Variants in CLSTN2 observed in about 807,000 individuals in gnomAD.
The protein encoded by CLSTN2 is calsyntenin 2, also known as calsyntenin-2.
A neutral mutation model predicts 101.2 loss-of-function variants in CLSTN2; 48 were observed. The observed-to-expected ratio is 0.47, with a 90% confidence interval of 0.38 to 0.60. The LOEUF (loss-of-function observed/expected upper bound fraction) is 0.60, where lower values mean the gene tolerates loss of function less well. CLSTN2 is among the 20% of genes least tolerant of loss of function. CLSTN2 has a pLI of 0.00. For missense variants in CLSTN2, 1,160 were observed against 1,238.2 expected, an observed-to-expected ratio of 0.94 and a Z score of 0.95; for synonymous variants, 481 against 463.6, an observed-to-expected ratio of 1.04 and a Z score of -0.48.
intron 1 of CLSTN2, among the ~76,000 whole-genome samples, chr3:139,943,074 G>A (rs1159055233): frequency 6.6e-6 from 1 of 151,972 alleles, no homozygotes; most frequent in Admixed American, 6.6e-5. Context: ...AGCCCCATAT[G>A]TCCCAAACTA....
At chr3:140,006,859 T>A (rs917144256) in intron 1 of CLSTN2, among the ~76,000 whole-genome samples, 1 of 152,020 alleles carries the variant, frequency 6.6e-6, no homozygotes. Flanking sequence ...TAGGATGAAA[T>A]GAGGGAGGCG....
chr3:140,416,923 T>A (rs1006495998), intron 4 of CLSTN2, among the ~76,000 whole-genome samples: 3 of 152,240 alleles, frequency 2.0e-5, no homozygotes, highest in Admixed American at 6.5e-5. Flanking sequence ...CTGAGCCAAA[T>A]GTATCCTAAA....
Position 139,935,330 on chromosome 3 carries a change from C to T in CLSTN2, c.-45C>T. ...AGGCACCGGGAGGCGAGAGCCGGCG[C>T]GGACAGTAGGCGGCGGCTGCAGCTC... On this transcript the variant is annotated 5_prime_UTR_variant, in exon 1 of 17. Transcript: ENST00000458420. This position sits in a 1 kb window ranked among gnomAD's most constrained non-coding sequence, Gnocchi z 5.5. 2 of 1,085,432 alleles carry T rather than the reference C, an allele frequency of 1.8e-6. No homozygotes were observed. The highest frequency in any genetic ancestry group is 2.3e-6 in the Non-Finnish European group (2 of 857,036). 67.2% of individuals were successfully genotyped at this position (1,085,432 alleles called of 1,614,324 possible). A position where few individuals can be genotyped will look rare whatever the true frequency, so the allele number is the denominator to read the frequency against.
At chr3:140,175,206 A>AT (rs923209066) in intron 1 of CLSTN2, among the ~76,000 whole-genome samples, 1 of 151,962 alleles carries the variant, frequency 6.6e-6, no homozygotes, top group Admixed American at 6.6e-5. Context: ...ATATCAATGT[A>AT]TTTTTTTTAT....
intron 1 of CLSTN2, among the ~76,000 whole-genome samples, chr3:139,990,150 G>T (rs553968416): frequency 2.8e-4 from 42 of 152,262 alleles, no homozygotes; most frequent in African/African-American, 8.7e-4. Context: ...ATTATAATTG[G>T]AAATCCTTTT....
intron 2 of CLSTN2, among the ~76,000 whole-genome samples, chr3:140,191,834 T>C (rs2010569912): frequency 1.3e-5 from 2 of 151,984 alleles, no homozygotes; most frequent in African/African-American, 4.8e-5. Flanking sequence ...AACAGCTTCT[T>C]ATTTTATTGA....
chr3:140,190,438 CA>C (rs35206840), intron 2 of CLSTN2, among the ~76,000 whole-genome samples: 22,053 of 82,888 alleles, frequency 0.27, 1,125 homozygotes, highest in African/African-American at 0.3. Flanking sequence ...TCTATAGCTA[CA>C]AAAAAAAAAA....
At chr3:140,223,922 C>T (rs919407279) in intron 2 of CLSTN2, among the ~76,000 whole-genome samples, 3 of 152,082 alleles carry the variant, frequency 2.0e-5, no homozygotes, top group African/African-American at 7.2e-5. Flanking sequence ...CTGCAGTTCC[C>T]ACAGGAGTGT....
At chr3:140,360,164 T>A (rs965786801) in intron 2 of CLSTN2, among the ~76,000 whole-genome samples, 3 of 152,166 alleles carry the variant, frequency 2.0e-5, no homozygotes, top group Non-Finnish European at 4.4e-5. Flanking sequence ...TCTCCCCCTG[T>A]AATCGTTCCT....
chr3:140,006,760 G>A (rs760720888), intron 1 of CLSTN2, among the ~76,000 whole-genome samples: 4 of 152,192 alleles, frequency 2.6e-5, no homozygotes, highest in South Asian at 2.1e-4. Context: ...TATTGCAAGG[G>A]TTATATATAA....
chr3:140,439,885 A>C (rs1239795760), intron 5 of CLSTN2, among the ~76,000 whole-genome samples: 1 of 152,104 alleles, frequency 6.6e-6, no homozygotes, highest in Non-Finnish European at 1.5e-5. Flanking sequence ...TGAGAATTGG[A>C]GTGTGCATGT....
chr3:140,231,688 G>A (rs755812332), intron 2 of CLSTN2, among the ~76,000 whole-genome samples: 1 of 152,146 alleles, frequency 6.6e-6, no homozygotes, highest in Non-Finnish European at 1.5e-5. Context: ...ATAAGATTGG[G>A]AATCAATTAT....
At chr3:140,514,681 T>C (rs1454026825) in intron 8 of CLSTN2, among the ~76,000 whole-genome samples, 1 of 152,080 alleles carries the variant, frequency 6.6e-6, no homozygotes, top group Non-Finnish European at 1.5e-5. Context: ...TAGTTCTACT[T>C]TTAGTTCTTT....
chr3:140,478,782 A>G (rs1934045729), intron 8 of CLSTN2, among the ~76,000 whole-genome samples: 1 of 112,900 alleles, frequency 8.9e-6, no homozygotes, highest in African/African-American at 4.1e-5. Context: ...AAGAGGGAGG[A>G]AGGGAAGGGA....
At chr3:140,260,282 T>C (rs2086640439) in intron 2 of CLSTN2, among the ~76,000 whole-genome samples, 1 of 151,906 alleles carries the variant, frequency 6.6e-6, no homozygotes, top group Non-Finnish European at 1.5e-5. Flanking sequence ...CAGACATTCT[T>C]ACCTTTTTCC....
intron 1 of CLSTN2, among the ~76,000 whole-genome samples, chr3:140,019,090 G>C (rs1391430736): frequency 2.6e-5 from 4 of 152,094 alleles, no homozygotes; most frequent in Non-Finnish European, 4.4e-5. Context: ...AGTCTGCACT[G>C]GTCATGCAGG....
Position 139,942,880 on chromosome 3 carries a change from G to A in CLSTN2, c.109+7397G>A, listed in dbSNP as rs528731688. ...AGCAGTTTTCTAACTCTAAGGACAG[G>A]CAACTTATTTCCAATACTTTCTCAG... is the stretch of plus-strand genomic sequence containing the variant. On this transcript the variant is annotated intron_variant, in intron 1 of 16. Transcript: ENST00000458420. Among the ~76,000 whole-genome samples the A allele has an allele frequency of 3.3e-5, 5 of 152,196 alleles. No homozygotes were observed. In the South Asian group the frequency reaches 1.0e-3, roughly 32 times the overall value.
chr3:140,233,388 C>A (rs2107861771), intron 2 of CLSTN2, among the ~76,000 whole-genome samples: 1 of 152,314 alleles, frequency 6.6e-6, no homozygotes, highest in African/African-American at 2.4e-5. Flanking sequence ...CAAGCTCATG[C>A]AGCACCCCAT....
At chr3:140,540,164 C>T (rs923000362) in intron 9 of CLSTN2, among the ~76,000 whole-genome samples, 28 of 152,328 alleles carry the variant, frequency 1.8e-4, no homozygotes, top group Non-Finnish European at 1.8e-4. Context: ...GCCCTTCCAA[C>T]TCCACGAGTT....
Sources: allele counts gnomAD v4.1 joint callset (sites outside exome capture counted in the v4.1 genomes callset), GRCh38; gene constraint gnomAD v4.1.1; non-coding constraint Gnocchi (gnomAD v3.1); transcripts MANE v1.5; gene names NCBI Gene and HGNC (gene_info 2026-07-23, HGNC 2026-07-21).